RNF7: variants seen among roughly 807,000 people sequenced by gnomAD.
RNF7 encodes the protein RING-box protein 2.
Under a neutral mutation model 17.0 loss-of-function variants are expected in RNF7, and 9 were observed. The ratio of observed to expected loss-of-function variants is 0.53; its 90% CI spans 0.32 to 0.92. The LOEUF (loss-of-function observed/expected upper bound fraction) is 0.92. Among genes scored for constraint, RNF7 ranks in the 40% least tolerant of loss-of-function variants. The probability of loss-of-function intolerance (pLI) is 0.04; values close to 1 mark genes in which losing one functional copy is unlikely to be tolerated. For synonymous variants in RNF7, 59 were observed against 50.5 expected (o/e 1.17, Z -0.72); for missense variants, 87 against 145.8 (o/e 0.60, Z 2.08).
Position 141,743,635 on chromosome 3 carries a change from T to C in RNF7, c.223+79T>C. The C allele has an allele frequency of 4.7e-6, 5 of 1,057,214 alleles. No homozygotes were observed. In the South Asian group the frequency reaches 5.6e-5, roughly 12 times the overall value. 65.5% of individuals were successfully genotyped at this position (1,057,214 alleles called of 1,614,324 possible). A position where few individuals can be genotyped will look rare whatever the true frequency, so the allele number is the denominator to read the frequency against. ...GGGATGTTTGAATTTGAAATTAAGA[T>C]TGACTTTATCAATACACAAAAATAA... On this transcript the variant is annotated intron_variant, in intron 2 of 2. Coordinates refer to ENST00000273480, the MANE Select transcript of RNF7 (RefSeq NM_014245.5).
chr3:141,742,874 T>G, intron 1 of RNF7: 1 of 1,102,366 alleles, frequency 9.1e-7, no homozygotes, highest in Non-Finnish European at 1.1e-6. Context: ...AAAAGTTGCT[T>G]CTTATGAGTT....
chr3:141,738,633 G>T (rs2084382860), intron 1 of RNF7, 117 bp downstream of exon 1: 1 of 1,117,892 alleles, frequency 8.9e-7, no homozygotes, highest in African/African-American at 1.6e-5. Context: ...GGGAGAGTGG[G>T]TGGAGGTCGC....
chr3:141,745,314 G>A lies in RNF7; in HGVS notation c.*37G>A. The A allele has an allele frequency of 1.1e-5, 15 of 1,384,832 alleles. No individual in the cohort carries two copies. Among genetic ancestry groups the A allele is most frequent in the Non-Finnish European group, 1.5e-5 (15 of 975,538 alleles). 85.8% of individuals were successfully genotyped at this position (1,384,832 alleles called of 1,614,324 possible). A position where few individuals can be genotyped will look rare whatever the true frequency, so the allele number is the denominator to read the frequency against. ...AGGCTTCTTAGCGCAGTTGTTCAGA[G>A]CCCTGGTGGATCTTGTAATCCAGTG... On this transcript the variant is annotated 3_prime_UTR_variant, in exon 3 of 3. Coordinates refer to ENST00000273480, the MANE Select transcript of RNF7 (RefSeq NM_014245.5).
Position 141,745,325 on chromosome 3 carries a change from T to C in RNF7, c.*48T>C. ...CGCAGTTGTTCAGAGCCCTGGTGGA[T>C]CTTGTAATCCAGTGCCCTACAAAGG... On this transcript the variant is annotated 3_prime_UTR_variant, in exon 3 of 3. Transcript: ENST00000273480. 1 of 1,281,350 alleles carries C rather than the reference T, an allele frequency of 7.8e-7. No individual in the cohort carries two copies. The highest frequency in any genetic ancestry group is 1.1e-6 in the Non-Finnish European group (1 of 882,500). 79.4% of individuals were successfully genotyped at this position (1,281,350 alleles called of 1,614,324 possible).
rs921170935 is a variant in RNF7 at position 141,745,020 on chromosome 3, A to G, written c.224-139A>G. 2 of 545,476 alleles carry G rather than the reference A, an allele frequency of 3.7e-6. 1 individual carries two copies. Among genetic ancestry groups the G allele is most frequent in the East Asian group, 7.0e-5 (2 of 28,604 alleles). The allele number at this position is 545,476 out of a possible 1,614,324, so 33.8% of individuals were successfully genotyped here. On this transcript the variant is annotated intron_variant, in intron 2 of 2. Transcript: ENST00000273480. ...TACACATTTAAGTTTCTGTTTCTTT[A>G]TAGATAGAAAAACATTATTTTGGCC...
At position 141,745,493 on chromosome 3, in the gene RNF7, T is replaced by C. The variant is rs2084462372; in HGVS notation, c.*216T>C. ...GATTAAGAAGATAATTTATTAAAGGTGGTCCTTCCTACCTCTGTGGTGTGT... is the reference window on the plus strand; with the variant it reads ...GATTAAGAAGATAATTTATTAAAGGCGGTCCTTCCTACCTCTGTGGTGTGT... On this transcript the variant is annotated 3_prime_UTR_variant, in exon 3 of 3. Transcript: ENST00000273480. 5.8e-6 allele frequency: 2 copies of C among 343,196 alleles called. No individual in the cohort carries two copies. The highest frequency in any genetic ancestry group is 4.3e-5 in the African/African-American group (2 of 46,826). 21.3% of individuals were successfully genotyped at this position (343,196 alleles called of 1,614,324 possible).
chr3:141,740,670 C>T (rs1577898303), intron 1 of RNF7, among the ~76,000 whole-genome samples: 2 of 152,158 alleles, frequency 1.3e-5, no homozygotes, highest in African/African-American at 2.4e-5. Context: ...TAGCATCATT[C>T]TAAAAGGTGT....
chr3:141,743,020 G>GGAA, intron 1 of RNF7: 1 of 556,164 alleles, frequency 1.8e-6, no homozygotes, highest in Non-Finnish European at 2.3e-6. Flanking sequence ...TATATTACCT[G>GGAA]GAAGAGTGAA....
intron 1 of RNF7, among the ~76,000 whole-genome samples, chr3:141,738,777 G>A (rs375081255): frequency 1.3e-5 from 2 of 152,260 alleles, no homozygotes; most frequent in Admixed American, 6.5e-5. Flanking sequence ...GGAGAGAGAC[G>A]GGCAATAAAC....
At chr3:141,742,687 A>T (rs1320537915) in intron 1 of RNF7, 2 of 1,193,340 alleles carry the variant, frequency 1.7e-6, no homozygotes, top group Non-Finnish European at 1.1e-6. Flanking sequence ...CCCTGAACCT[A>T]ATAAATGCCA....
intron 1 of RNF7, among the ~76,000 whole-genome samples, chr3:141,739,961 C>T (rs2084398733): frequency 6.6e-6 from 1 of 152,232 alleles, no homozygotes; most frequent in Admixed American, 6.5e-5. Flanking sequence ...GAGGTCGAGG[C>T]TACAGTGAGC....
chr3:141,738,629 G>C (rs774602320), intron 1 of RNF7, 113 bp downstream of exon 1: 1 of 1,125,286 alleles, frequency 8.9e-7, no homozygotes, highest in Non-Finnish European at 1.2e-6. Context: ...GCCTGGGAGA[G>C]TGGGTGGAGG....
At chr3:141,745,070 A>T in intron 2 of RNF7, 89 bp from the exon 3 acceptor site, 1 of 778,816 alleles carries the variant, frequency 1.3e-6, no homozygotes, top group Admixed American at 2.7e-5. Context: ...TTTCAAGATT[A>T]TTATTTGTAA....
At chr3:141,739,960 G>T (rs569085096) in intron 1 of RNF7, among the ~76,000 whole-genome samples, 1 of 152,232 alleles carries the variant, frequency 6.6e-6, no homozygotes, top group Admixed American at 6.5e-5. Context: ...GGAGGTCGAG[G>T]CTACAGTGAG....
intron 1 of RNF7, among the ~76,000 whole-genome samples, chr3:141,742,387 C>T (rs558153944): frequency 1.2e-3 from 184 of 151,740 alleles, no homozygotes; most frequent in African/African-American, 4.2e-3. Flanking sequence ...CCACCACGCC[C>T]GGCTAATTTT....
At position 141,747,455 on chromosome 3, in the gene RNF7, T is replaced by A. The variant is rs2084485720; in HGVS notation, c.*2178T>A. On this transcript the variant is annotated 3_prime_UTR_variant, in exon 3 of 3. Transcript: ENST00000273480. ...TGTTATTACAGCTGACCGCTATCAGTAAATCTTAATTCTGTCAGTCCCATT... is the reference window on the plus strand; with the variant it reads ...TGTTATTACAGCTGACCGCTATCAGAAAATCTTAATTCTGTCAGTCCCATT... 1 of 152,244 alleles carries A rather than the reference T, an allele frequency of 6.6e-6. No homozygotes were observed. The highest frequency in any genetic ancestry group is 2.1e-4 in the South Asian group (1 of 4,828). The allele number at this position is 152,244 out of a possible 1,614,324, so 9.4% of individuals were successfully genotyped here. A position where few individuals can be genotyped will look rare whatever the true frequency, so the allele number is the denominator to read the frequency against.
In RNF7 at chr3:141,746,976, C is replaced by A. The variant is rs554772673; in HGVS notation, c.*1699C>A. ...TCTGTTTGACCTTTTTAGAAGGTTG[C>A]ATCCTTAAAATGTGAACCAGATACA... On this transcript the variant is annotated 3_prime_UTR_variant, in exon 3 of 3. Transcript: ENST00000273480. The A allele has an allele frequency of 1.3e-5, 2 of 152,298 alleles. No individual in the cohort carries two copies. Among genetic ancestry groups the A allele is most frequent in the East Asian group, 3.9e-4 (2 of 5,192 alleles). 9.4% of individuals were successfully genotyped at this position (152,298 alleles called of 1,614,324 possible).
At chr3:141,739,777 T>G (rs1359814807) in intron 1 of RNF7, among the ~76,000 whole-genome samples, 1 of 152,222 alleles carries the variant, frequency 6.6e-6, no homozygotes, top group Non-Finnish European at 1.5e-5. Flanking sequence ...GACCTTGATA[T>G]TAGACATGAC....
chr3:141,742,648 G>C, intron 1 of RNF7: 1 of 1,148,608 alleles, frequency 8.7e-7, no homozygotes, highest in South Asian at 1.3e-5. Flanking sequence ...TTACAGATGA[G>C]GGAATTGGAG....
Sources: gnomAD v4.1 joint callset for allele counts (sites outside exome capture counted in the v4.1 genomes callset) on GRCh38, gnomAD v4.1.1 for gene constraint, MANE v1.5 for transcripts, NCBI Gene and HGNC (gene_info 2026-07-23, HGNC 2026-07-21) for gene names.